The following TBC1D4 variants were observed in gnomAD, a reference collection of about 807,000 sequenced individuals.
The protein encoded by TBC1D4 is TBC (Tre-2, BUB2, CDC16) domain-containing protein.
In TBC1D4, 121 loss-of-function variants were observed where a neutral mutation model predicts 142.5. The ratio of observed to expected loss-of-function variants is 0.85; its 90% CI spans 0.73 to 0.99. The LOEUF is 0.99. Ranked by LOEUF, TBC1D4 falls within the 50% of genes least tolerant of loss-of-function variation. TBC1D4 has a pLI of 0.00. For synonymous variants in TBC1D4, 630 were observed against 628.2 expected, an observed-to-expected ratio of 1.00 and a Z score of -0.04; for missense variants, 1,475 against 1,606.6, an observed-to-expected ratio of 0.92 and a Z score of 1.40.
At chr13:75,405,705 T>C (rs1337588225) in intron 1 of TBC1D4, among the ~76,000 whole-genome samples, 1 of 152,202 alleles carries the variant, frequency 6.6e-6, no homozygotes, top group African/African-American at 2.4e-5. Flanking sequence ...ACCATGATCA[T>C]CTTTTATTAC....
At chr13:75,440,788 T>A (rs774575807) in intron 1 of TBC1D4, among the ~76,000 whole-genome samples, 1 of 150,334 alleles carries the variant, frequency 6.7e-6, no homozygotes, top group Non-Finnish European at 1.5e-5. Context: ...TCCAGGCTGG[T>A]TTCAAACTCC....
chr13:75,328,912 GGTC>G (rs1294753808), intron 8 of TBC1D4, among the ~76,000 whole-genome samples: 2 of 151,920 alleles, frequency 1.3e-5, no homozygotes, highest in Non-Finnish European at 2.9e-5. Context: ...GAAAAGTGGT[GGTC>G]ATCAACCCCC....
intron 1 of TBC1D4, among the ~76,000 whole-genome samples, chr13:75,450,708 A>G (rs1225288920): frequency 1.3e-5 from 2 of 152,170 alleles, no homozygotes; most frequent in African/African-American, 4.8e-5. Flanking sequence ...CATTAGACAT[A>G]TGGTTGAACT....
At chr13:75,439,140 T>C (rs1886926218) in intron 1 of TBC1D4, among the ~76,000 whole-genome samples, 1 of 152,184 alleles carries the variant, frequency 6.6e-6, no homozygotes, top group South Asian at 2.1e-4. Context: ...TTGTTCCTTA[T>C]CCAAGAGGTA....
At chr13:75,419,904 G>A (rs982755650) in intron 1 of TBC1D4, among the ~76,000 whole-genome samples, 4 of 152,188 alleles carry the variant, frequency 2.6e-5, no homozygotes, top group Admixed American at 1.3e-4. Context: ...CTGGAAGAAC[G>A]GTGTGCTACT....
At position 75,295,516 on chromosome 13, in the gene TBC1D4, C is replaced by G. The variant is rs507901; in HGVS notation, c.3157-503G>C. ...CACTGCTAGGAGAGAATTAAAGCTT[C>G]GAATGTTACAGGGCCAGAAGCTTGA... On this transcript the variant is annotated intron_variant, in intron 17 of 20. Transcript: ENST00000377636. Among the ~76,000 whole-genome samples the G allele has an allele frequency of 3.9e-5, 6 of 152,098 alleles. No homozygotes were observed. In the East Asian group the frequency reaches 1.2e-3, roughly 29 times the overall value.
At chr13:75,356,346 G>T in intron 3 of TBC1D4, 95 bp from the exon 4 acceptor site, 1 of 899,204 alleles carries the variant, frequency 1.1e-6, no homozygotes, top group Non-Finnish European at 1.8e-6. Context: ...TGCTTTCACA[G>T]TTCTACGAAT....
Position 75,442,833 on chromosome 13 carries a change from G to A in TBC1D4, c.498+38437C>T, listed in dbSNP as rs146085937. On this transcript the variant is annotated intron_variant, in intron 1 of 20. Coordinates refer to ENST00000377636, the MANE Select transcript of TBC1D4 (RefSeq NM_014832.5). ...AAGAAAAGTCAGTGAGTAACAGAGC[G>A]AAAAAAGAAAACAGAACAGAGCAGA... is the stretch of plus-strand genomic sequence containing the variant. 1.3e-3 allele frequency among the ~76,000 whole-genome samples: 196 copies of A among 151,730 alleles called. 1 individual carries two copies. The highest frequency in any genetic ancestry group is 4.5e-3 in the African/African-American group (185 of 41,446).
rs759756870 is a variant in TBC1D4 at position 75,481,710 on chromosome 13, G to C, written c.58C>G (p.Pro20Ala). 8.1e-5 allele frequency: 129 copies of C among 1,596,092 alleles called. No individual in the cohort carries two copies. The highest frequency in any genetic ancestry group is 1.1e-4 in the Non-Finnish European group (127 of 1,173,534). ...EPFPHPLEPE[P>A]GVSAQPGPGK... ...GGGCCGGGCTGAGCTGAGACGCCCG[G>C]CTCGGGCTCCAGGGGGTGCGGGAAC... Residue 20 changes from proline to alanine, a missense_variant, in exon 1 of 21, where the codon CCG becomes GCG. Physicochemically the swap from Pro to Ala is conservative, Grantham distance 27 (BLOSUM62 -1). Coordinates refer to ENST00000377636, the MANE Select transcript of TBC1D4 (RefSeq NM_014832.5).
intron 15 of TBC1D4, 37 bp from the exon 16 acceptor site, chr13:75,302,438 T>C: frequency 3.7e-6 from 6 of 1,613,514 alleles, no homozygotes; most frequent in Non-Finnish European, 3.4e-6. Context: ...GGCCTTGAAC[T>C]CTGGAATGAA....
At chr13:75,395,194 G>A (rs1026398770) in intron 1 of TBC1D4, among the ~76,000 whole-genome samples, 3 of 152,148 alleles carry the variant, frequency 2.0e-5, no homozygotes, top group Non-Finnish European at 2.9e-5. Context: ...TGTACTGGTT[G>A]GTAACTACTC....
At chr13:75,424,927 T>C (rs1886319100) in intron 1 of TBC1D4, among the ~76,000 whole-genome samples, 2 of 152,080 alleles carry the variant, frequency 1.3e-5, no homozygotes, top group East Asian at 1.9e-4. Flanking sequence ...CTCCATGACA[T>C]TGATCCAAGC....
At chr13:75,352,093 A>G (rs1157662161) in intron 4 of TBC1D4, among the ~76,000 whole-genome samples, 1 of 152,210 alleles carries the variant, frequency 6.6e-6, no homozygotes, top group African/African-American at 2.4e-5. Context: ...AAACTTTCAC[A>G]GAGTACTGCT....
Position 75,362,124 on chromosome 13 carries a change from C to G in TBC1D4, c.982G>C (p.Glu328Gln), listed in dbSNP as rs370555579. Residue 328 changes from glutamate (E) to glutamine (Q), a missense_variant, in exon 2 of 21, where the codon GAG (glutamate) becomes CAG (glutamine). Coordinates refer to ENST00000377636, the MANE Select transcript of TBC1D4 (RefSeq NM_014832.5). The surrounding 1 kb of genome is among the most constrained non-coding windows in gnomAD (Gnocchi z 4.2). The part of the protein sequence containing the change: ...SVTGVQRRVH[E>Q]GSQKSQPRRR... ...CGCGGCTGGGATTTCTGGCTGCCCTCGTGAACTCTCCGTTGCACGCCGGTG... is the reference window on the plus strand; with the variant it reads ...CGCGGCTGGGATTTCTGGCTGCCCTGGTGAACTCTCCGTTGCACGCCGGTG... 6.3e-5 allele frequency: 101 copies of G among 1,613,770 alleles called. No individual in the cohort carries two copies. Among genetic ancestry groups the G allele is most frequent in the Middle Eastern group, 1.6e-4 (1 of 6,084 alleles).
intron 4 of TBC1D4, among the ~76,000 whole-genome samples, chr13:75,353,622 C>CA (rs1394109933): frequency 4.0e-5 from 6 of 151,698 alleles, no homozygotes; most frequent in African/African-American, 9.7e-5. Context: ...GCAATTCCTG[C>CA]AAAAAAGGGG....
chr13:75,326,057 G>T, intron 10 of TBC1D4, 140 bp downstream of exon 10: 1 of 949,344 alleles, frequency 1.1e-6, no homozygotes, highest in South Asian at 1.4e-5. Context: ...AGTAAATGAG[G>T]TAACTTAATT....
chr13:75,443,564 C>CTGACACAG (rs1887143777), intron 1 of TBC1D4, among the ~76,000 whole-genome samples: 1 of 152,172 alleles, frequency 6.6e-6, no homozygotes, highest in Admixed American at 6.5e-5. Context: ...GAACATACAG[C>CTGACACAG]TGACACAGCA....
intron 1 of TBC1D4, among the ~76,000 whole-genome samples, chr13:75,431,707 G>T (rs1355785157): frequency 1.3e-5 from 2 of 152,110 alleles, no homozygotes; most frequent in African/African-American, 4.8e-5. Flanking sequence ...TATTTGCATG[G>T]AATTCAAAAG....
At position 75,393,945 on chromosome 13, in the gene TBC1D4, A is replaced by C. The variant is rs571597958; in HGVS notation, c.499-31338T>G. ...TCTGTCTCAAAAAAAAAAAAACAAA[A>C]AAACAAAACTAAACTCTTTCTTGAG... On this transcript the variant is annotated intron_variant, in intron 1 of 20. Transcript: ENST00000377636. Among the ~76,000 whole-genome samples, 394 of 152,040 alleles carry C rather than the reference A, an allele frequency of 2.6e-3. 2 individuals are homozygous for C. The highest frequency in any genetic ancestry group is 8.8e-3 in the African/African-American group (364 of 41,454).
Sources: allele counts gnomAD v4.1 joint callset (sites outside exome capture counted in the v4.1 genomes callset), GRCh38; gene constraint gnomAD v4.1.1; non-coding constraint Gnocchi (gnomAD v3.1); transcripts MANE v1.5; gene names NCBI Gene and HGNC (gene_info 2026-07-23, HGNC 2026-07-21).